Variants in CACNG4 observed in about 807,000 individuals in gnomAD.
CACNG4 encodes voltage-dependent calcium channel gamma-4 subunit.
CACNG4 carries 8 observed loss-of-function variants against 22.9 expected under a neutral mutation model. The observed-to-expected ratio is 0.35, with a 90% CI of 0.21 to 0.63. The LOEUF is 0.63. Ranked by LOEUF, CACNG4 falls within the 30% of genes least tolerant of loss-of-function variation. The pLI is 0.72. For missense variants in CACNG4, 357 were observed against 455.4 expected, an observed-to-expected ratio of 0.78 and a Z score of 1.97; for synonymous variants, 188 against 191.9, an observed-to-expected ratio of 0.98 and a Z score of 0.17.
intron 1 of CACNG4, among the ~76,000 whole-genome samples, chr17:67,000,636 G>A (rs1292065841): frequency 2.0e-5 from 3 of 152,176 alleles, no homozygotes; most frequent in Non-Finnish European, 4.4e-5. Flanking sequence ...GTGAGGGCCA[G>A]TGGCCAAGGT....
intron 1 of CACNG4, among the ~76,000 whole-genome samples, chr17:66,971,242 C>T (rs1354934305): frequency 3.4e-5 from 5 of 147,184 alleles, no homozygotes; most frequent in African/African-American, 5.2e-5. Context: ...GAGGGGTTTC[C>T]AGCCAGAAGA....
intron 1 of CACNG4, among the ~76,000 whole-genome samples, chr17:67,000,987 CATCTT>C (rs1055440250): frequency 5.8e-4 from 88 of 152,114 alleles, no homozygotes; most frequent in Non-Finnish European, 5.4e-4. Context: ...ACCCAAATCT[CATCTT>C]GAATTGTAGC....
chr17:67,011,297 T>C (rs2035466464), intron 1 of CACNG4, among the ~76,000 whole-genome samples: 2 of 152,038 alleles, frequency 1.3e-5, no homozygotes, highest in Non-Finnish European at 2.9e-5. Flanking sequence ...TGGAGGATGG[T>C]CTGAAATCAC....
At chr17:66,988,341 G>A (rs953076123) in intron 1 of CACNG4, among the ~76,000 whole-genome samples, 7 of 152,154 alleles carry the variant, frequency 4.6e-5, no homozygotes, top group African/African-American at 1.2e-4. Flanking sequence ...TTGTGTGCAT[G>A]TATCTCATCT....
At chr17:66,974,637 C>T (rs752478292) in intron 1 of CACNG4, among the ~76,000 whole-genome samples, 14 of 152,110 alleles carry the variant, frequency 9.2e-5, no homozygotes, top group Non-Finnish European at 1.3e-4. Flanking sequence ...ATCAGTGGTC[C>T]CTGGTGTCTG....
chr17:66,988,218 C>T (rs1311722739), intron 1 of CACNG4, among the ~76,000 whole-genome samples: 1 of 152,140 alleles, frequency 6.6e-6, no homozygotes, highest in African/African-American at 2.4e-5. Context: ...GCCTGGAGCT[C>T]ATCCTGTCCT....
chr17:67,005,016 G>A (rs2035429228), intron 1 of CACNG4, among the ~76,000 whole-genome samples: 1 of 152,156 alleles, frequency 6.6e-6, no homozygotes, highest in African/African-American at 2.4e-5. Context: ...GAGGCACCCT[G>A]CCCCGTCCCA....
chr17:66,965,194 ACGCG>A (rs1158411001), intron 1 of CACNG4, 63 bp downstream of exon 1: 619 of 908,716 alleles, frequency 6.8e-4, no homozygotes, highest in East Asian at 3.4e-3. Flanking sequence ...ACATATACAC[ACGCG>A]CGCGCGCGCG....
At chr17:66,980,236 GC>G (rs1200221349) in intron 1 of CACNG4, among the ~76,000 whole-genome samples, 5 of 152,194 alleles carry the variant, frequency 3.3e-5, no homozygotes, top group African/African-American at 4.8e-5. Flanking sequence ...TCCACATTGG[GC>G]TTCCATCCCT....
At chr17:66,996,931 G>T (rs1205117190) in intron 1 of CACNG4, among the ~76,000 whole-genome samples, 1 of 152,162 alleles carries the variant, frequency 6.6e-6, no homozygotes, top group African/African-American at 2.4e-5. Context: ...TTTATAAGGG[G>T]ACGAGGGCAG....
chr17:67,001,432 C>A (rs2143326234), intron 1 of CACNG4, among the ~76,000 whole-genome samples: 1 of 152,254 alleles, frequency 6.6e-6, no homozygotes, highest in East Asian at 1.9e-4. Flanking sequence ...CTCAGACAGG[C>A]TCTGACCCCT....
rs1183331654 is a variant in CACNG4, at chr17:66,984,576, A to G, written c.220+19445A>G. ...GGACTCGTTCATTCATTCATTCAGC[A>G]CTTATTTTTGCACCCAGCCTCTTGG... On this transcript the variant is annotated intron_variant, in intron 1 of 3. Transcript: ENST00000262138. This position sits in a 1 kb window ranked among gnomAD's most constrained non-coding sequence, Gnocchi z 4.0. Among the ~76,000 whole-genome samples, 1 of 151,992 alleles carries G rather than the reference A, an allele frequency of 6.6e-6. No homozygotes were observed. The highest frequency in any genetic ancestry group is 1.5e-5 in the Non-Finnish European group (1 of 68,006).
chr17:66,996,502 C>A (rs1258008679), intron 1 of CACNG4, among the ~76,000 whole-genome samples: 1 of 151,946 alleles, frequency 6.6e-6, no homozygotes, highest in Non-Finnish European at 1.5e-5. Flanking sequence ...ACCTCGGCCT[C>A]CCCAGTAGCT....
At chr17:67,020,453 G>C (rs570411438) in intron 2 of CACNG4, among the ~76,000 whole-genome samples, 9 of 152,368 alleles carry the variant, frequency 5.9e-5, no homozygotes, top group South Asian at 2.1e-4. Context: ...AAAGCAGCCA[G>C]GTTCATTAAC....
intron 1 of CACNG4, among the ~76,000 whole-genome samples, chr17:66,970,151 GA>G (rs1463559768): frequency 6.6e-6 from 1 of 152,192 alleles, no homozygotes; most frequent in African/African-American, 2.4e-5. Context: ...TATAGTTGTA[GA>G]AAATGAGGCT....
At chr17:67,014,798 G>A (rs1439969691) in intron 1 of CACNG4, among the ~76,000 whole-genome samples, 3 of 152,042 alleles carry the variant, frequency 2.0e-5, no homozygotes, top group African/African-American at 4.8e-5. Context: ...TTAGCCAGTG[G>A]TGGTGGTGCG....
chr17:67,023,964 C>T (rs1031886259), intron 2 of CACNG4, among the ~76,000 whole-genome samples: 1 of 152,190 alleles, frequency 6.6e-6, no homozygotes, highest in African/African-American at 2.4e-5. Flanking sequence ...CAACTCCCTA[C>T]AGGTAGATGT....
At chr17:66,981,581 G>A (rs916720519) in intron 1 of CACNG4, among the ~76,000 whole-genome samples, 2 of 152,186 alleles carry the variant, frequency 1.3e-5, no homozygotes, top group Non-Finnish European at 2.9e-5. Flanking sequence ...CTGGGGCCGA[G>A]AGAACCACAG....
chr17:66,985,459 T>C (rs1292099677), intron 1 of CACNG4, among the ~76,000 whole-genome samples: 1 of 152,126 alleles, frequency 6.6e-6, no homozygotes, highest in African/African-American at 2.4e-5. Context: ...GTGAGGCTTG[T>C]GATGTTAGAG....
Sources: allele counts gnomAD v4.1 joint callset (sites outside exome capture counted in the v4.1 genomes callset), GRCh38; gene constraint gnomAD v4.1.1; non-coding constraint Gnocchi (gnomAD v3.1); transcripts MANE v1.5; gene names NCBI Gene and HGNC (gene_info 2026-07-23, HGNC 2026-07-21).